ARHGAP24: variants seen among roughly 807,000 people sequenced by gnomAD.
ARHGAP24 encodes rho GTPase-activating protein 24.
ARHGAP24 carries 50 observed loss-of-function variants against 76.4 expected under a neutral mutation model. The observed-to-expected ratio is 0.65, with a 90% CI of 0.52 to 0.83. The LOEUF (loss-of-function observed/expected upper bound fraction) is 0.83. ARHGAP24 is among the 40% of genes least tolerant of loss of function. ARHGAP24 has a pLI of 0.00. For missense variants in ARHGAP24, 930 were observed against 914.2 expected (o/e 1.02, Z -0.22); for synonymous variants, 345 against 323.3 (o/e 1.07, Z -0.72).
chr4:85,497,951 A>G (rs1364840759), intron 1 of ARHGAP24, among the ~76,000 whole-genome samples: 1 of 152,220 alleles, frequency 6.6e-6, no homozygotes, highest in Non-Finnish European at 1.5e-5. Context: ...TCGGTGTTCA[A>G]TTTCCTTCTC....
chr4:85,548,715 G>A (rs1008950844), intron 1 of ARHGAP24, among the ~76,000 whole-genome samples: 2 of 152,162 alleles, frequency 1.3e-5, no homozygotes, highest in African/African-American at 4.8e-5. Flanking sequence ...GATATCAAGT[G>A]CATAGTTCAG....
At chr4:85,510,131 G>A (rs1453072905) in intron 1 of ARHGAP24, among the ~76,000 whole-genome samples, 1 of 152,150 alleles carries the variant, frequency 6.6e-6, no homozygotes, top group Non-Finnish European at 1.5e-5. Flanking sequence ...TCAAAATAAA[G>A]TGACAGGAAT....
chr4:85,986,278 C>A (rs1739987138), intron 8 of ARHGAP24, among the ~76,000 whole-genome samples: 1 of 151,966 alleles, frequency 6.6e-6, no homozygotes. Flanking sequence ...TCAAGGAAAC[C>A]TTTAGAATGT....
intron 3 of ARHGAP24, among the ~76,000 whole-genome samples, chr4:85,833,554 A>T (rs1002925859): frequency 2.0e-5 from 3 of 152,208 alleles, no homozygotes; most frequent in African/African-American, 7.2e-5. Context: ...TGTTTAGAGC[A>T]TGTGCAGTGT....
chr4:85,629,298 A>C (rs1578092565), intron 2 of ARHGAP24, among the ~76,000 whole-genome samples: 1 of 152,296 alleles, frequency 6.6e-6, no homozygotes, highest in East Asian at 1.9e-4. Flanking sequence ...TATGTCTTTA[A>C]TATATTGTGT....
At chr4:85,572,398 G>A (rs571785524) in intron 2 of ARHGAP24, among the ~76,000 whole-genome samples, 3 of 152,218 alleles carry the variant, frequency 2.0e-5, no homozygotes, top group South Asian at 2.1e-4. Context: ...TTAGGGCAGA[G>A]TTCCTCAAAC....
chr4:85,762,733 A>G (rs1578205627), intron 3 of ARHGAP24, among the ~76,000 whole-genome samples: 1 of 152,272 alleles, frequency 6.6e-6, no homozygotes, highest in East Asian at 1.9e-4. Flanking sequence ...AAGCTCCTCC[A>G]ATGGCTGACC....
intron 5 of ARHGAP24, among the ~76,000 whole-genome samples, chr4:85,964,334 AT>A (rs1364689821): frequency 1.3e-5 from 2 of 152,096 alleles, no homozygotes; most frequent in East Asian, 3.9e-4. Flanking sequence ...ACAAGGGGAG[AT>A]TTTTCTGTTG....
chr4:85,816,075 C>T (rs1433963425), intron 3 of ARHGAP24, among the ~76,000 whole-genome samples: 1 of 152,136 alleles, frequency 6.6e-6, no homozygotes. Flanking sequence ...CCAACTATCT[C>T]CACCAGGTCC....
intron 5 of ARHGAP24, 49 bp downstream of exon 5, chr4:85,942,322 A>C: frequency 6.3e-7 from 1 of 1,591,760 alleles, no homozygotes; most frequent in Non-Finnish European, 8.6e-7. Flanking sequence ...ATTCAGACTC[A>C]ACTGACAGGA....
chr4:85,849,697 TGAGATA>T (rs1731107117), intron 3 of ARHGAP24, among the ~76,000 whole-genome samples: 1 of 152,194 alleles, frequency 6.6e-6, no homozygotes, highest in South Asian at 2.1e-4. Context: ...CTGCGTCTAT[TGAGATA>T]ATCATGTGGT....
chr4:85,914,562 A>G (rs1004199034), intron 3 of ARHGAP24, among the ~76,000 whole-genome samples: 2 of 152,204 alleles, frequency 1.3e-5, no homozygotes, highest in African/African-American at 4.8e-5. Flanking sequence ...TAGGGAATAT[A>G]AAGTTCAATA....
chr4:85,861,390 G>C (rs1195712372), intron 3 of ARHGAP24, among the ~76,000 whole-genome samples: 1 of 152,114 alleles, frequency 6.6e-6, no homozygotes, highest in African/African-American at 2.4e-5. Flanking sequence ...CAAAGCGTAC[G>C]TTTTGTAGAT....
At chr4:85,943,206 A>T (rs1340481343) in intron 5 of ARHGAP24, among the ~76,000 whole-genome samples, 1 of 152,110 alleles carries the variant, frequency 6.6e-6, no homozygotes, top group Non-Finnish European at 1.5e-5. Flanking sequence ...GAGTTTTTGG[A>T]TAAGAGTAAT....
intron 3 of ARHGAP24, among the ~76,000 whole-genome samples, chr4:85,871,856 TG>T (rs1311070070): frequency 1.3e-5 from 2 of 152,144 alleles, no homozygotes; most frequent in African/African-American, 4.8e-5. Flanking sequence ...ATATTATCTA[TG>T]GGTTATATTA....
At chr4:85,506,988 G>C (rs1432995517) in intron 1 of ARHGAP24, among the ~76,000 whole-genome samples, 2 of 152,114 alleles carry the variant, frequency 1.3e-5, no homozygotes, top group East Asian at 3.9e-4. Flanking sequence ...TTTAATAAAG[G>C]AGTAAATTTG....
intron 2 of ARHGAP24, among the ~76,000 whole-genome samples, chr4:85,696,556 G>C (rs369626038): frequency 9.9e-5 from 15 of 152,202 alleles, no homozygotes; most frequent in South Asian, 2.1e-4. Flanking sequence ...TTTTGTTAGC[G>C]TATTTCCATT....
At chr4:85,828,041 T>TAA (rs1401175620) in intron 3 of ARHGAP24, 1 of 1,194,942 alleles carries the variant, frequency 8.4e-7, no homozygotes, top group African/African-American at 1.6e-5. Context: ...TGATTGTGTT[T>TAA]AATAATTTGG....
intron 2 of ARHGAP24, among the ~76,000 whole-genome samples, chr4:85,627,144 G>A (rs1720986601): frequency 6.6e-6 from 1 of 152,078 alleles, no homozygotes; most frequent in Admixed American, 6.5e-5. Flanking sequence ...AGGAGGAGAG[G>A]CCTTCTGATT....
Sources: gnomAD v4.1 joint callset for allele counts (sites outside exome capture counted in the v4.1 genomes callset) on GRCh38, gnomAD v4.1.1 for gene constraint, MANE v1.5 for transcripts, NCBI Gene and HGNC (gene_info 2026-07-23, HGNC 2026-07-21) for gene names.